The following MYOM1 variants were observed in gnomAD, a reference collection of about 807,000 sequenced individuals.
MYOM1 encodes myomesin-1.
A neutral mutation model predicts 205.3 loss-of-function variants in MYOM1; 164 were observed. That is an observed-to-expected ratio of 0.80 (90% confidence interval 0.70 to 0.91). The LOEUF (loss-of-function observed/expected upper bound fraction) is 0.91. MYOM1 is among the 40% of genes least tolerant of loss of function. The probability of loss-of-function intolerance (pLI) is 0.00; values close to 1 mark genes in which losing one functional copy is unlikely to be tolerated. For missense variants in MYOM1, 2,011 were observed against 2,127.3 expected, an observed-to-expected ratio of 0.95 and a Z score of 1.08; for synonymous variants, 772 against 789.4, an observed-to-expected ratio of 0.98 and a Z score of 0.37.
chr18:3,105,106 C>T (rs1043895655), intron 22 of MYOM1, among the ~76,000 whole-genome samples: 1 of 152,022 alleles, frequency 6.6e-6, no homozygotes, highest in African/African-American at 2.4e-5. Context: ...TGGTTGGTTT[C>T]TCTCAGTAGA....
intron 27 of MYOM1, among the ~76,000 whole-genome samples, chr18:3,090,421 T>C (rs2079208772): frequency 1.3e-5 from 2 of 152,076 alleles, no homozygotes; most frequent in East Asian, 3.9e-4. Context: ...GGTTTCACCA[T>C]GTTGGCCAGG....
intron 25 of MYOM1, 136 bp from the exon 26 acceptor site, chr18:3,094,442 G>A: frequency 1.1e-6 from 1 of 878,114 alleles, no homozygotes; most frequent in Non-Finnish European, 1.7e-6. Flanking sequence ...GCAAAGCCCA[G>A]AGGCAGTGAG....
the MYOM1 span, among the ~76,000 whole-genome samples, chr18:3,239,703 G>A: frequency 1.1e-4 from 15 of 138,538 alleles, no homozygotes; most frequent in African/African-American, 1.7e-4. Flanking sequence ...GCTGCAGTGA[G>A]CCATGATGGT....
chr18:3,187,718 A>T (rs569191808), intron 4 of MYOM1, 81 bp from the exon 5 acceptor site: 17 of 1,320,442 alleles, frequency 1.3e-5, no homozygotes, highest in Admixed American at 8.4e-5. Context: ...AATAACAAGT[A>T]GAAGGCAAAA....
chr18:3,156,819 C>T (rs1480681412), intron 10 of MYOM1, among the ~76,000 whole-genome samples: 3 of 152,120 alleles, frequency 2.0e-5, no homozygotes, highest in African/African-American at 4.8e-5. Context: ...CCGTATTAGC[C>T]AGGATGGTCT....
At chr18:3,220,264 A>G (rs2081316179), upstream of MYOM1, among the ~76,000 whole-genome samples, 1 of 152,234 alleles carries the variant, frequency 6.6e-6, no homozygotes, top group Admixed American at 6.5e-5. Context: ...TATGATTCTC[A>G]AAATGGACTT....
At chr18:3,149,238 C>T (rs766267744) in intron 12 of MYOM1, 37 bp from the exon 13 acceptor site, 26 of 1,577,068 alleles carry the variant, frequency 1.6e-5, no homozygotes, top group Non-Finnish European at 2.3e-5. Flanking sequence ...CAAACGTTTA[C>T]AAGTGTGCAA....
In MYOM1 at chr18:3,193,923, G is replaced by A. The variant is rs777244076; in HGVS notation, c.326C>T (p.Ser109Leu). ...TDSSLLLDDY[S>L]SKLSPKPKRA... is the part of the protein sequence containing the mutation. ...CTTTGGTTTGGGGCTCAACTTGGATGAATAATCATCTAACAGCAGACTGGA... is the reference window on the plus strand; with the variant it reads ...CTTTGGTTTGGGGCTCAACTTGGATAAATAATCATCTAACAGCAGACTGGA... Residue 109 changes from serine (S) to leucine (L), a missense_variant, in exon 3 of 38, where the codon TCA becomes TTA. Coordinates refer to ENST00000356443, the MANE Select transcript of MYOM1 (RefSeq NM_003803.4). 1 of 1,613,644 alleles carries A rather than the reference G, an allele frequency of 6.2e-7. No individual in the cohort carries two copies. The highest frequency in any genetic ancestry group is 8.5e-7 in the Non-Finnish European group (1 of 1,179,720).
intron 5 of MYOM1, among the ~76,000 whole-genome samples, chr18:3,186,383 C>T (rs1484971521): frequency 6.6e-6 from 1 of 152,120 alleles, no homozygotes; most frequent in African/African-American, 2.4e-5. Flanking sequence ...GGTGCATTTA[C>T]CACCACTCCT....
chr18:3,154,958 A>G lies in MYOM1; in HGVS notation c.1632T>C (p.Tyr544=), dbSNP rs753787328. The G allele has an allele frequency of 2.5e-6, 4 of 1,611,346 alleles. No homozygotes were observed. The Admixed American group carries it at 5.0e-5, about 20-fold the overall frequency. The change falls in exon 11 of 38, where the codon TAT becomes TAC. Residue 544 remains tyrosine (Y), a synonymous_variant. Coordinates refer to ENST00000356443, the MANE Select transcript of MYOM1 (RefSeq NM_003803.4). ...GCCTAAGCACTAACTTATCAATAAA[A>G]TATCCGAGAATAGGACTCCCTCCAT... ...AVDGGSPILG[Y]FIDKCEVGTD...
chr18:3,147,110 AT>A lies in MYOM1; in HGVS notation c.1900+2034del, dbSNP rs1331291778. 3.6e-5 allele frequency among the ~76,000 whole-genome samples: 5 copies of A among 138,142 alleles called. No homozygotes were observed. In the East Asian group the frequency reaches 9.7e-4, roughly 27 times the overall value. The allele number at this position is 138,142 out of a possible 152,430, so 90.6% of individuals were successfully genotyped here. ...TTATACATTATAGATAAATATATAT[AT>A]TTATATATAAATATTATATATTATA... On this transcript the variant is annotated intron_variant, in intron 13 of 37. Transcript: ENST00000356443.
chr18:3,244,523 AC>A, the MYOM1 span, among the ~76,000 whole-genome samples: 3 of 152,148 alleles, frequency 2.0e-5, no homozygotes, highest in Non-Finnish European at 2.9e-5. Flanking sequence ...GGAGGCACAG[AC>A]GGGCAGATCA....
chr18:3,104,515 A>G (rs1416874394), intron 22 of MYOM1, among the ~76,000 whole-genome samples: 1 of 152,190 alleles, frequency 6.6e-6, no homozygotes, highest in African/African-American at 2.4e-5. Flanking sequence ...CTTGATTGTG[A>G]AAGATTTGAC....
intron 13 of MYOM1, among the ~76,000 whole-genome samples, chr18:3,148,863 A>G (rs923338220): frequency 1.6e-3 from 236 of 150,830 alleles, no homozygotes; most frequent in African/African-American, 5.7e-3. Flanking sequence ...AAAAAAAAAA[A>G]AAAAAAAAAG....
In MYOM1 at chr18:3,135,566, A is replaced by T. The variant is rs767490927; in HGVS notation, c.2190T>A (p.Thr730=). The change falls in exon 15 of 38, where the codon ACT becomes ACA. Residue 730 remains threonine (T), a synonymous_variant. Transcript: ENST00000356443. This position sits in a 1 kb window ranked among gnomAD's most constrained non-coding sequence, Gnocchi z 4.1. ...VGEPSEATEV[T]VVGDKLDIPK... is the part of the protein sequence containing the mutation. ...GCTTACCAAGTTTGTCCCCTACCAC[A>T]GTCACCTCCGTTGCCTCTGAGGGCT... 4 of 1,613,728 alleles carry T rather than the reference A, an allele frequency of 2.5e-6. 1 individual carries two copies. In the South Asian group the frequency reaches 4.4e-5, roughly 18 times the overall value.
upstream of MYOM1, among the ~76,000 whole-genome samples, chr18:3,224,887 G>A (rs2081346141): frequency 6.6e-6 from 1 of 152,104 alleles, no homozygotes; most frequent in African/African-American, 2.4e-5. Context: ...GGTTGGTATT[G>A]AACTGCTGAC....
intron 37 of MYOM1, among the ~76,000 whole-genome samples, chr18:3,069,757 G>A (rs141436038): frequency 6.6e-6 from 1 of 152,176 alleles, no homozygotes; most frequent in East Asian, 1.9e-4. Flanking sequence ...AAACACCTTA[G>A]GCATCATGGA....
chr18:3,104,129 C>T (rs1390344325), intron 22 of MYOM1, among the ~76,000 whole-genome samples: 3 of 152,136 alleles, frequency 2.0e-5, no homozygotes, highest in Non-Finnish European at 2.9e-5. Flanking sequence ...CCTGATAACA[C>T]GTGACTAATC....
intron 14 of MYOM1, among the ~76,000 whole-genome samples, chr18:3,138,203 G>T (rs2079997552): frequency 6.6e-6 from 1 of 152,184 alleles, no homozygotes; most frequent in South Asian, 2.1e-4. Context: ...GGTAAGAGAA[G>T]AAATTTAGAA....
Sources: allele counts gnomAD v4.1 joint callset (sites outside exome capture counted in the v4.1 genomes callset), GRCh38; gene constraint gnomAD v4.1.1; non-coding constraint Gnocchi (gnomAD v3.1); transcripts MANE v1.5; gene names NCBI Gene and HGNC (gene_info 2026-07-23, HGNC 2026-07-21).